Variants in MBD5 observed in about 807,000 individuals in gnomAD.
MBD5 encodes methyl-CpG binding domain protein 5.
A neutral mutation model predicts 117.3 loss-of-function variants in MBD5; 13 were observed. The ratio of observed to expected loss-of-function variants is 0.11; its 90% CI spans 0.07 to 0.18. The LOEUF is 0.18. Ranked by LOEUF, MBD5 falls within the 10% of genes least tolerant of loss-of-function variation. MBD5 has a pLI of 1.00. For synonymous variants in MBD5, 727 were observed against 766.4 expected, an observed-to-expected ratio of 0.95 and a Z score of 0.85; for missense variants, 1,879 against 2,093.8, an observed-to-expected ratio of 0.90 and a Z score of 2.00.
At chr2:148,302,061 T>C (rs1351988742) in intron 3 of MBD5, among the ~76,000 whole-genome samples, 1 of 152,218 alleles carries the variant, frequency 6.6e-6, no homozygotes, top group African/African-American at 2.4e-5. Context: ...CGTGTCTGAC[T>C]AGCTACCTAC....
intron 3 of MBD5, among the ~76,000 whole-genome samples, chr2:148,266,945 T>C (rs1166109237): frequency 6.6e-6 from 1 of 152,148 alleles, no homozygotes; most frequent in African/African-American, 2.4e-5. Flanking sequence ...GAAGAACAGA[T>C]ACTTATTAAG....
intron 12 of MBD5, among the ~76,000 whole-genome samples, chr2:148,509,452 T>C (rs1173599528): frequency 1.3e-5 from 2 of 152,352 alleles, no homozygotes; most frequent in African/African-American, 4.8e-5. Flanking sequence ...GCCGTCATTC[T>C]TTATCTGTTC....
intron 5 of MBD5, 71 bp from the exon 6 acceptor site, chr2:148,462,511 A>C (rs1707120915): frequency 1.0e-6 from 1 of 988,778 alleles, no homozygotes; most frequent in Non-Finnish European, 1.6e-6. Context: ...AAGACTATAA[A>C]TTATGCCTTT....
At chr2:148,397,158 T>G (rs1704742368) in intron 4 of MBD5, among the ~76,000 whole-genome samples, 1 of 152,144 alleles carries the variant, frequency 6.6e-6, no homozygotes, top group South Asian at 2.1e-4. Flanking sequence ...TATGAATTTT[T>G]TTTAAGTGTG....
intron 2 of MBD5, among the ~76,000 whole-genome samples, chr2:148,186,950 A>AT (rs955178468): frequency 6.6e-6 from 1 of 152,188 alleles, no homozygotes; most frequent in African/African-American, 2.4e-5. Context: ...TAGAAAATAT[A>AT]TTTTTTAGCT....
chr2:148,235,200 G>A (rs1700065832), intron 3 of MBD5, among the ~76,000 whole-genome samples: 1 of 152,062 alleles, frequency 6.6e-6, no homozygotes, highest in Non-Finnish European at 1.5e-5. Context: ...TTGTTGTCAT[G>A]TTATTTGTAT....
At chr2:148,342,883 G>A (rs1702985449) in intron 4 of MBD5, among the ~76,000 whole-genome samples, 1 of 151,916 alleles carries the variant, frequency 6.6e-6, no homozygotes, top group African/African-American at 2.4e-5. Flanking sequence ...CAGGTACTGA[G>A]CATAGTGCCT....
chr2:148,471,291 T>C (rs750982963), intron 8 of MBD5: 1 of 152,122 alleles, frequency 6.6e-6, no homozygotes, highest in Non-Finnish European at 1.5e-5. Flanking sequence ...TTTTGTGCAA[T>C]AGAGTCCTCA....
rs200395037 is a variant in MBD5 at position 148,489,716 on chromosome 2, T to C, written c.4084T>C (p.Ser1362Pro). Residue 1362 changes from serine to proline, a missense_variant, in exon 11 of 14, where the codon TCA becomes CCA. Ser to Pro is a moderately conservative substitution (Grantham distance 74, BLOSUM62 -1). Around this residue, in one of 4 missense-constraint regions of MBD5, gnomAD observed 1,666 missense variants for 1,792.2 expected, o/e 0.93. Transcript: ENST00000642680. ...ALSAMSAFTA[S>P]IGDPLNLSSA... ...GAGTGCCATGAGTGCCTTCACTGCC[T>C]CAATTGGTGACCCATTAAATCTCTC... 99 of 1,614,062 alleles carry C rather than the reference T, an allele frequency of 6.1e-5. No individual in the cohort carries two copies. Among genetic ancestry groups the C allele is most frequent in the Non-Finnish European group, 8.0e-5 (94 of 1,180,040 alleles).
At chr2:148,275,264 G>A (rs2106358867) in intron 3 of MBD5, among the ~76,000 whole-genome samples, 1 of 152,136 alleles carries the variant, frequency 6.6e-6, no homozygotes, top group Non-Finnish European at 1.5e-5. Flanking sequence ...AAAATTCCCA[G>A]TATTATTTCT....
At chr2:148,106,628 C>T (rs1431205016) in intron 1 of MBD5, among the ~76,000 whole-genome samples, 1 of 151,232 alleles carries the variant, frequency 6.6e-6, no homozygotes, top group Non-Finnish European at 1.5e-5. Context: ...CTTTTTTCTC[C>T]TTTATTGCCT....
Position 148,175,480 on chromosome 2 carries a change from G to A in MBD5, c.-924-3220G>A, listed in dbSNP as rs143503342. 3.8e-3 allele frequency among the ~76,000 whole-genome samples: 586 copies of A among 152,254 alleles called. 1 individual carries two copies. The highest frequency in any genetic ancestry group is 7.4e-3 in the Non-Finnish European group (503 of 67,980). ...TTAGATTGCACAGGAATAATAGAAT[G>A]TATGTACAGCTAAGTGGGGCTTAGT... On this transcript the variant is annotated intron_variant, in intron 1 of 13. Coordinates refer to ENST00000642680, the MANE Select transcript of MBD5 (RefSeq NM_001378120.1).
intron 1 of MBD5, among the ~76,000 whole-genome samples, chr2:148,057,416 T>G (rs946728434): frequency 4.6e-5 from 7 of 151,604 alleles, no homozygotes; most frequent in Admixed American, 3.9e-4. Context: ...AAGGTTTTTG[T>G]TTTTTTTAGT....
At chr2:148,079,586 CG>C (rs1475559237) in intron 1 of MBD5, among the ~76,000 whole-genome samples, 1 of 151,284 alleles carries the variant, frequency 6.6e-6, no homozygotes, top group Non-Finnish European at 1.5e-5. Flanking sequence ...TGGCCTAGTG[CG>C]GTGGCTCACA....
At chr2:148,409,498 C>A (rs1329960173) in intron 4 of MBD5, among the ~76,000 whole-genome samples, 1 of 151,816 alleles carries the variant, frequency 6.6e-6, no homozygotes, top group Non-Finnish European at 1.5e-5. Context: ...TTTCTAAGTA[C>A]TGTGATTGCT....
At chr2:148,317,713 A>G (rs1440216503) in intron 3 of MBD5, among the ~76,000 whole-genome samples, 1 of 151,662 alleles carries the variant, frequency 6.6e-6, no homozygotes, top group Non-Finnish European at 1.5e-5. Flanking sequence ...GCAGCATTTT[A>G]CTTTCTCTGT....
At chr2:148,476,543 C>CA (rs1680971612) in intron 8 of MBD5, among the ~76,000 whole-genome samples, 1 of 152,146 alleles carries the variant, frequency 6.6e-6, no homozygotes, top group South Asian at 2.1e-4. Flanking sequence ...TATAAGCTAA[C>CA]AGAAAGAGCT....
chr2:148,388,722 T>A (rs1010693722), intron 4 of MBD5, among the ~76,000 whole-genome samples: 1 of 152,204 alleles, frequency 6.6e-6, no homozygotes, highest in African/African-American at 2.4e-5. Context: ...TCTTCTCACA[T>A]GACCTTTTCT....
chr2:148,213,977 C>G (rs1401698286), intron 2 of MBD5, among the ~76,000 whole-genome samples: 2 of 152,140 alleles, frequency 1.3e-5, no homozygotes, highest in East Asian at 3.8e-4. Context: ...GATCAACTGA[C>G]TGAGTGGCTA....
Sources: gnomAD v4.1 joint callset for allele counts (sites outside exome capture counted in the v4.1 genomes callset) on GRCh38, gnomAD v4.1.1 for gene constraint, gnomAD v4.1.1 regional missense constraint, MANE v1.5 for transcripts, NCBI Gene and HGNC (gene_info 2026-07-23, HGNC 2026-07-21) for gene names.